The following AKT3 variants were observed in gnomAD, a reference collection of about 807,000 sequenced individuals.
AKT3 encodes the protein AKT serine/threonine kinase 3, also known as RAC-gamma serine/threonine-protein kinase.
A neutral mutation model predicts 65.3 loss-of-function variants in AKT3; 15 were observed. The ratio of observed to expected loss-of-function variants is 0.23; its 90% confidence interval spans 0.15 to 0.35. AKT3 has a LOEUF of 0.35. Ranked by LOEUF, AKT3 falls within the 10% of genes least tolerant of loss-of-function variation. AKT3 has a pLI of 1.00. For synonymous variants in AKT3, 206 were observed against 183.8 expected, an observed-to-expected ratio of 1.12 and a Z score of -0.98; for missense variants, 243 against 576.5, an observed-to-expected ratio of 0.42 and a Z score of 5.92.
chr1:243,670,516 T>C (rs1030554480), intron 3 of AKT3, among the ~76,000 whole-genome samples: 6 of 152,204 alleles, frequency 3.9e-5, no homozygotes, highest in African/African-American at 1.4e-4. Context: ...ATTTGCCTTT[T>C]GGTTACGTAA....
At chr1:243,634,414 A>T (rs914822556) in intron 6 of AKT3, among the ~76,000 whole-genome samples, 16 of 152,042 alleles carry the variant, frequency 1.1e-4, no homozygotes, top group Admixed American at 7.9e-4. Flanking sequence ...ATAAATGGAT[A>T]TTAAAAGTAG....
chr1:243,827,225 T>C (rs1176579698), intron 2 of AKT3, among the ~76,000 whole-genome samples: 3 of 152,158 alleles, frequency 2.0e-5, no homozygotes, highest in Admixed American at 1.3e-4. Context: ...CATAAAAGCA[T>C]GTAAGACTCA....
At chr1:243,624,391 G>T (rs1572049761) in intron 6 of AKT3, among the ~76,000 whole-genome samples, 1 of 152,092 alleles carries the variant, frequency 6.6e-6, no homozygotes, top group East Asian at 1.9e-4. Context: ...CCACATGTAA[G>T]ATTTTTATTC....
chr1:243,605,197 C>CTT (rs540680901), intron 8 of AKT3, among the ~76,000 whole-genome samples: 2 of 144,472 alleles, frequency 1.4e-5, no homozygotes, highest in Non-Finnish European at 3.1e-5. Flanking sequence ...ACATGGCTAA[C>CTT]TTTTTTTTTT....
chr1:243,534,224 AGTGG>A (rs1465716267), intron 12 of AKT3, among the ~76,000 whole-genome samples: 8 of 152,200 alleles, frequency 5.3e-5, no homozygotes, highest in Non-Finnish European at 1.0e-4. Flanking sequence ...ATTTAAAGAA[AGTGG>A]GAGGAGCTAT....
chr1:243,547,060 T>C (rs1672722411), intron 11 of AKT3: 1 of 152,204 alleles, frequency 6.6e-6, no homozygotes, highest in Admixed American at 6.5e-5. Flanking sequence ...GAATCTGCAT[T>C]ATTAATATTT....
chr1:243,637,053 G>A (rs1175501989), intron 6 of AKT3, among the ~76,000 whole-genome samples: 1 of 152,094 alleles, frequency 6.6e-6, no homozygotes, highest in Non-Finnish European at 1.5e-5. Flanking sequence ...AGGGAATTGG[G>A]ATTTTGTTCA....
intron 6 of AKT3, among the ~76,000 whole-genome samples, chr1:243,630,060 T>C (rs897174150): frequency 3.9e-5 from 6 of 152,178 alleles, no homozygotes; most frequent in Admixed American, 1.3e-4. Context: ...TTCTTGGAAA[T>C]AGACGTTTAC....
At chr1:243,819,692 G>A (rs1336650660) in intron 2 of AKT3, among the ~76,000 whole-genome samples, 3 of 152,126 alleles carry the variant, frequency 2.0e-5, no homozygotes, top group Non-Finnish European at 4.4e-5. Flanking sequence ...TCCTGACTGA[G>A]AGAGACCCCC....
At chr1:243,519,703 G>A (rs1670590960) in intron 12 of AKT3, among the ~76,000 whole-genome samples, 1 of 152,010 alleles carries the variant, frequency 6.6e-6, no homozygotes, top group East Asian at 1.9e-4. Context: ...TATTTCATGA[G>A]AGCTTTCATG....
intron 2 of AKT3, among the ~76,000 whole-genome samples, chr1:243,738,500 A>C (rs1188180506): frequency 6.6e-6 from 1 of 152,222 alleles, no homozygotes; most frequent in Non-Finnish European, 1.5e-5. Context: ...AAACCTTCAC[A>C]TGTAAATAAA....
chr1:243,723,309 A>T (rs1320187285), intron 2 of AKT3, among the ~76,000 whole-genome samples: 3 of 152,144 alleles, frequency 2.0e-5, no homozygotes, highest in Non-Finnish European at 2.9e-5. Flanking sequence ...TATTCAGAAA[A>T]AGAAGAAAGA....
intron 2 of AKT3, among the ~76,000 whole-genome samples, chr1:243,777,451 G>GA (rs1464929500): frequency 2.6e-5 from 4 of 152,134 alleles, no homozygotes; most frequent in Non-Finnish European, 4.4e-5. Context: ...TAGGGTATGA[G>GA]AAAAATTGTA....
In AKT3 at chr1:243,798,557, A is replaced by T. The variant is rs1171482516; in HGVS notation, c.46+44568T>A. Among the ~76,000 whole-genome samples the T allele has an allele frequency of 2.0e-5, 3 of 151,556 alleles. No individual in the cohort carries two copies. The East Asian group carries it at 5.8e-4, about 29-fold the overall frequency. ...GCCAGGCCTTCTATTTATGTTCTTG[A>T]TATTATCTAATTTCCTACAGGATTT... On this transcript the variant is annotated intron_variant, in intron 2 of 13. Transcript: ENST00000673466.
At chr1:243,747,440 A>T (rs1286554342) in intron 2 of AKT3, among the ~76,000 whole-genome samples, 2 of 152,202 alleles carry the variant, frequency 1.3e-5, no homozygotes, top group African/African-American at 4.8e-5. Flanking sequence ...ATTCTTAATG[A>T]CTGCTTCAAC....
At chr1:243,628,934 C>T (rs1191204550) in intron 6 of AKT3, among the ~76,000 whole-genome samples, 4 of 152,204 alleles carry the variant, frequency 2.6e-5, no homozygotes. Context: ...GGGCTGTGGC[C>T]ATTTGCCTGG....
chr1:243,712,239 T>A (rs1186757832), intron 2 of AKT3, among the ~76,000 whole-genome samples: 1 of 152,204 alleles, frequency 6.6e-6, no homozygotes, highest in Admixed American at 6.5e-5. Context: ...TCAAGGTGGC[T>A]GATGATTTTC....
chr1:243,744,914 G>A (rs1350979480), intron 2 of AKT3, among the ~76,000 whole-genome samples: 1 of 151,774 alleles, frequency 6.6e-6, no homozygotes, highest in Non-Finnish European at 1.5e-5. Context: ...CTGTATTCAT[G>A]AGTCCTTGGC....
At chr1:243,804,528 C>T (rs559650720) in intron 2 of AKT3, among the ~76,000 whole-genome samples, 4 of 152,090 alleles carry the variant, frequency 2.6e-5, no homozygotes, top group Non-Finnish European at 5.9e-5. Flanking sequence ...CACTTAATAT[C>T]CACTATATCT....
Sources: allele counts gnomAD v4.1 joint callset (sites outside exome capture counted in the v4.1 genomes callset), GRCh38; gene constraint gnomAD v4.1.1; transcripts MANE v1.5; gene names NCBI Gene and HGNC (gene_info 2026-07-23, HGNC 2026-07-21).